DMD: variants seen among roughly 807,000 people sequenced by gnomAD.
The protein encoded by DMD is mutant dystrophin.
DMD carries 63 observed loss-of-function variants against 330.1 expected under a neutral mutation model. The ratio of observed to expected loss-of-function variants is 0.19; its 90% CI spans 0.16 to 0.24. The LOEUF is 0.24. Among genes scored for constraint, DMD ranks in the 10% least tolerant of loss-of-function variants. The pLI is 1.00. For missense variants in DMD, 3,344 were observed against 2,684.1 expected (o/e 1.25, Z -5.43); for synonymous variants, 1,223 against 959.8 (o/e 1.27, Z -5.07).
chrX:31,440,157 T>C (rs2064831208), intron 60 of DMD, among the ~76,000 whole-genome samples: 1 of 109,126 alleles, frequency 9.2e-6, no homozygotes, highest in African/African-American at 3.3e-5. Context: ...CTTTTTTTTT[T>C]TTTTTTTGGA....
chrX:32,957,504 A>G lies in DMD; in HGVS notation c.93+62635T>C, dbSNP rs1427416113. Among the ~76,000 whole-genome samples, 47 of 111,630 alleles carry G rather than the reference A, an allele frequency of 4.2e-4. No individual in the cohort carries two copies. The Admixed American group carries it at 4.5e-3, about 11-fold the overall frequency. ...ATCTGAGGCTTGGTTTGTGGTCAAGATGGTATATATATAATCCTTGGTTTG... is the reference window on the plus strand; with the variant it reads ...ATCTGAGGCTTGGTTTGTGGTCAAGGTGGTATATATATAATCCTTGGTTTG... On this transcript the variant is annotated intron_variant, in intron 2 of 78. Transcript: ENST00000357033.
intron 60 of DMD, among the ~76,000 whole-genome samples, chrX:31,407,407 C>A (rs1231026134): frequency 1.8e-5 from 2 of 109,108 alleles, no homozygotes; most frequent in Non-Finnish European, 3.8e-5. Flanking sequence ...CTCAGGTGAT[C>A]CACCCACCTC....
chrX:32,145,014 A>G lies in DMD; in HGVS notation c.6438+71902T>C, dbSNP rs749526228. ...GCACCATTGCACCCCAGCCTGGGCAACAAGAGTGAAACACCGTCTCAATGA... is the reference window on the plus strand; with the variant it reads ...GCACCATTGCACCCCAGCCTGGGCAGCAAGAGTGAAACACCGTCTCAATGA... On this transcript the variant is annotated intron_variant, in intron 44 of 78. Coordinates refer to ENST00000357033, the MANE Select transcript of DMD (RefSeq NM_004006.3). 4.5e-5 allele frequency among the ~76,000 whole-genome samples: 5 copies of G among 112,104 alleles called. No homozygotes were observed. In the East Asian group the frequency reaches 1.1e-3, roughly 25 times the overall value.
At position 32,427,621 on chromosome X, in the gene DMD, TAA is replaced by T. The variant is rs34233929; in HGVS notation, c.4071+10618_4071+10619del. Among the ~76,000 whole-genome samples, 561 of 100,015 alleles carry T rather than the reference TAA, an allele frequency of 5.6e-3. 7 individuals are homozygous for T. Among genetic ancestry groups the T allele is most frequent in the African/African-American group, 0.02 (543 of 27,786 alleles). The allele number at this position is 100,015 out of a possible 115,157, so 86.9% of individuals were successfully genotyped here. ...CTGTTTCATTTTTGTCTGATTTTGGTAAAAAAAAAAAAAAATTTTCTAACCTT... is the reference window on the plus strand; with the variant it reads ...CTGTTTCATTTTTGTCTGATTTTGGTAAAAAAAAAAAAATTTTCTAACCTT... On this transcript the variant is annotated intron_variant, in intron 29 of 78. Coordinates refer to ENST00000357033, the MANE Select transcript of DMD (RefSeq NM_004006.3).
intron 17 of DMD, among the ~76,000 whole-genome samples, chrX:32,540,438 A>G (rs1433033266): frequency 4.5e-5 from 5 of 111,721 alleles, no homozygotes; most frequent in Non-Finnish European, 9.4e-5. Context: ...AAATCCCTTA[A>G]TTGTTTTGGG....
intron 43 of DMD, among the ~76,000 whole-genome samples, chrX:32,252,724 AAATATATAAAT>A (rs2097272899): frequency 2.2e-5 from 1 of 45,828 alleles, no homozygotes; most frequent in Non-Finnish European, 3.3e-5. Flanking sequence ...AAATATATAT[AAATATATAAAT>A]ATATATATAA....
chrX:32,554,817 GGAGGGAGGGGGAGGGAGAGA>G (rs58352955), intron 16 of DMD, among the ~76,000 whole-genome samples: 4,638 of 49,883 alleles, frequency 0.093, 673 homozygotes, highest in East Asian at 0.25. Context: ...AGGGAGGGAG[GGAGGGAGGGGGAGGGAGAGA>G]GAGAGAGAGA....
In DMD at chrX:33,310,247, C is replaced by T. The variant is rs765364484; in HGVS notation, c.7+29012G>A. The stretch of plus-strand genomic sequence containing the variant: ...AAACCGTACTTAAAAATGCATGGAG[C>T]CTATTGTAGCTGCCTAATGGTTTTG... On this transcript the variant is annotated intron_variant, in intron 1 of 17. Coordinates refer to the DMD transcript ENST00000288447. 3.6e-5 allele frequency among the ~76,000 whole-genome samples: 4 copies of T among 111,050 alleles called. No individual in the cohort carries two copies. The East Asian group carries it at 8.5e-4, about 23-fold the overall frequency.
At chrX:32,724,687 A>C (rs1158009126) in intron 7 of DMD, among the ~76,000 whole-genome samples, 2 of 111,745 alleles carry the variant, frequency 1.8e-5, no homozygotes, top group South Asian at 3.7e-4. Flanking sequence ...CTCAAGATCC[A>C]AAAGATTTAC....
intron 7 of DMD, among the ~76,000 whole-genome samples, chrX:32,725,174 G>T (rs1173914027): frequency 9.0e-6 from 1 of 110,956 alleles, no homozygotes; most frequent in African/African-American, 3.3e-5. Flanking sequence ...AGCATTTCTG[G>T]TAAAGACTCT....
chrX:32,464,484 G>A (rs2098394542), intron 24 of DMD, 102 bp downstream of exon 24: 1 of 619,129 alleles, frequency 1.6e-6, no homozygotes, highest in Admixed American at 2.5e-5. Context: ...AAATCCACTG[G>A]GGAGAGGAGA....
chrX:32,545,479 C>A, intron 16 of DMD, 145 bp from the exon 17 acceptor site: 1 of 557,395 alleles, frequency 1.8e-6, no homozygotes, highest in Non-Finnish European at 2.9e-6. Flanking sequence ...ATATTGAAGC[C>A]AAATAAAATT....
intron 59 of DMD, among the ~76,000 whole-genome samples, chrX:31,455,876 C>T (rs998925818): frequency 8.9e-6 from 1 of 112,109 alleles, no homozygotes; most frequent in African/African-American, 3.2e-5. Flanking sequence ...AAAATATTTA[C>T]ATATGAAAAG....
intron 43 of DMD, among the ~76,000 whole-genome samples, chrX:32,260,567 A>G (rs1384477181): frequency 8.9e-6 from 1 of 111,738 alleles, no homozygotes. Context: ...AATTACATTT[A>G]GAAATTTGAA....
At chrX:32,862,135 A>G (rs766383914) in intron 2 of DMD, among the ~76,000 whole-genome samples, 1 of 112,165 alleles carries the variant, frequency 8.9e-6, no homozygotes, top group African/African-American at 3.2e-5. Context: ...CTCTCTACCA[A>G]AAAAAGCACG....
In DMD at chrX:31,172,425, C is replaced by T. The variant is rs1403371768; in HGVS notation, c.10329-12G>A. 5 of 1,165,607 alleles carry T rather than the reference C, an allele frequency of 4.3e-6. No homozygotes were observed. The highest frequency in any genetic ancestry group is 5.8e-6 in the Non-Finnish European group (5 of 855,869). ...CCATTTCTGCTAGCCTGATAAAAAACGTAAAAGCTCATTAAAACTTATGTG... is the reference window on the plus strand; with the variant it reads ...CCATTTCTGCTAGCCTGATAAAAAATGTAAAAGCTCATTAAAACTTATGTG... On this transcript the variant is annotated splice_polypyrimidine_tract_variant and intron_variant, in intron 72 of 78. Transcript: ENST00000357033.
chrX:32,037,130 T>C (rs1380941341), intron 44 of DMD, among the ~76,000 whole-genome samples: 1 of 112,020 alleles, frequency 8.9e-6, no homozygotes, highest in Non-Finnish European at 1.9e-5. Context: ...ATAACCAGTG[T>C]AGCACATAGA....
chrX:31,993,009 T>C (rs977315735), intron 44 of DMD, among the ~76,000 whole-genome samples: 3 of 111,614 alleles, frequency 2.7e-5, no homozygotes, highest in African/African-American at 9.8e-5. Context: ...AGCAGAAGCG[T>C]GGTGGATTAA....
intron 60 of DMD, among the ~76,000 whole-genome samples, chrX:31,378,882 G>A (rs1376591558): frequency 9.0e-6 from 1 of 110,834 alleles, no homozygotes; most frequent in East Asian, 2.8e-4. Context: ...TTTCTTCTGC[G>A]ATGCCACTTG....
Sources: allele counts gnomAD v4.1 joint callset (sites outside exome capture counted in the v4.1 genomes callset), GRCh38; gene constraint gnomAD v4.1.1; transcripts MANE v1.5; gene names NCBI Gene and HGNC (gene_info 2026-07-23, HGNC 2026-07-21).